Variants in SCMH1 observed in about 807,000 individuals in gnomAD.
SCMH1 encodes the protein polycomb protein SCMH1.
In SCMH1, 37 loss-of-function variants were observed where a neutral mutation model predicts 70.8. The observed-to-expected ratio is 0.52, with a 90% confidence interval of 0.40 to 0.69. SCMH1 has a LOEUF of 0.69. SCMH1 is among the 30% of genes least tolerant of loss of function. SCMH1 has a pLI of 0.00. For synonymous variants in SCMH1, 292 were observed against 307.4 expected (o/e 0.95, Z 0.52); for missense variants, 607 against 827.3 (o/e 0.73, Z 3.27).
chr1:41,178,189 G>C lies in SCMH1; in HGVS notation c.13+7932C>G, dbSNP rs534319482. Among the ~76,000 whole-genome samples, 17 of 152,298 alleles carry C rather than the reference G, an allele frequency of 1.1e-4. 1 individual carries two copies. The highest frequency in any genetic ancestry group is 8.3e-4 in the South Asian group (4 of 4,830). ...AATCCTTTACAGACAAGCAAATGCT[G>C]AGAGATTTTGTCACCACCAGGACTG... On this transcript the variant is annotated intron_variant, in intron 2 of 14. Coordinates refer to ENST00000337495, the Ensembl canonical transcript of SCMH1.
At chr1:41,037,630 C>G (rs146103286) in intron 12 of SCMH1, 89 bp from the exon 13 acceptor site, 60 of 1,194,070 alleles carry the variant, frequency 5.0e-5, no homozygotes, top group Admixed American at 1.6e-4. Flanking sequence ...CAAGCAGCAA[C>G]AACAGAGAAA....
At position 41,055,117 on chromosome 1, in the gene SCMH1, G is replaced by GGCA. The variant is rs1426968324; in HGVS notation, c.1106-6230_1106-6228dup. On this transcript the variant is annotated intron_variant, in intron 10 of 14. Transcript: ENST00000337495. ...CTCACGTTTCTAAGAGAATCATTCT[G>GGCA]GCAGAAGCATTGACAGCTTGGACTA... 2.0e-5 allele frequency among the ~76,000 whole-genome samples: 3 copies of GGCA among 152,190 alleles called. No individual in the cohort carries two copies. The East Asian group carries it at 5.8e-4, about 29-fold the overall frequency.
intron 2 of SCMH1, among the ~76,000 whole-genome samples, chr1:41,164,225 A>C (rs1334284475): frequency 6.6e-6 from 1 of 152,184 alleles, no homozygotes; most frequent in African/African-American, 2.4e-5. Flanking sequence ...TGCCTACCCC[A>C]GCAGCTCACT....
intron 1 of SCMH1, among the ~76,000 whole-genome samples, chr1:41,193,956 G>A (rs1240340305): frequency 6.6e-6 from 1 of 152,104 alleles, no homozygotes; most frequent in African/African-American, 2.4e-5. Flanking sequence ...TGTTCATACA[G>A]CTTGCATACT....
At chr1:41,088,196 A>C (rs779449279) in intron 8 of SCMH1, among the ~76,000 whole-genome samples, 6 of 152,166 alleles carry the variant, frequency 3.9e-5, no homozygotes, top group African/African-American at 7.2e-5. Context: ...GTAGGAAAAC[A>C]CACATAAATT....
exon 15 of SCMH1, chr1:41,028,100 C>G: frequency 6.6e-7 from 1 of 1,519,648 alleles, no homozygotes; most frequent in Non-Finnish European, 9.0e-7. Context: ...GGCCCGGAAC[C>G]CCACTGAGGT....
intron 10 of SCMH1, among the ~76,000 whole-genome samples, chr1:41,054,529 T>C (rs1182022086): frequency 6.6e-6 from 1 of 152,176 alleles, no homozygotes; most frequent in East Asian, 1.9e-4. Flanking sequence ...TAAAATTCTT[T>C]AAGATGTAAG....
At chr1:41,101,099 A>G (rs959661080) in intron 8 of SCMH1, among the ~76,000 whole-genome samples, 2 of 151,794 alleles carry the variant, frequency 1.3e-5, no homozygotes, top group African/African-American at 4.9e-5. Flanking sequence ...AATAGCGGGG[A>G]AAAAAAGACC....
Position 41,118,174 on chromosome 1 carries a change from A to C in SCMH1, c.413-1164T>G, listed in dbSNP as rs568047100. On this transcript the variant is annotated intron_variant, in intron 6 of 14. Transcript: ENST00000337495. ...GACTTAAGGGTTAAAAAGGAGAAAC[A>C]CCTCATTAGACAGATGAAGAAAATG... Among the ~76,000 whole-genome samples, 5 of 152,272 alleles carry C rather than the reference A, an allele frequency of 3.3e-5. No individual in the cohort carries two copies. The South Asian group carries it at 1.0e-3, about 32-fold the overall frequency.
intron 1 of SCMH1, among the ~76,000 whole-genome samples, chr1:41,189,574 G>C (rs1332209745): frequency 6.6e-6 from 1 of 152,144 alleles, no homozygotes; most frequent in African/African-American, 2.4e-5. Flanking sequence ...CCAGAAGAAG[G>C]GGGAGGAAGG....
chr1:41,035,065 C>T (rs1246492228), intron 13 of SCMH1, among the ~76,000 whole-genome samples: 1 of 152,212 alleles, frequency 6.6e-6, no homozygotes, highest in East Asian at 1.9e-4. Flanking sequence ...GAATTTTAAG[C>T]ATCCCATTCT....
rs535282263 is a variant in SCMH1, at chr1:41,088,931, T to C, written c.746-13480A>G. Among the ~76,000 whole-genome samples the C allele has an allele frequency of 9.2e-5, 14 of 152,308 alleles. No homozygotes were observed. The East Asian group carries it at 1.2e-3, about 13-fold the overall frequency. On this transcript the variant is annotated intron_variant, in intron 8 of 14. Transcript: ENST00000337495. ...TGATGGGCATGTCCCAGGAGTGTCA[T>C]TGAACAGATTTCTCTTCTCTGTCTA...
chr1:41,074,428 A>T (rs1265906863), intron 9 of SCMH1, among the ~76,000 whole-genome samples: 1 of 152,170 alleles, frequency 6.6e-6, no homozygotes, highest in African/African-American at 2.4e-5. Flanking sequence ...TGTGAAAATC[A>T]TGGGATATGT....
intron 10 of SCMH1, among the ~76,000 whole-genome samples, chr1:41,063,211 C>T (rs12119426): frequency 0.019 from 2,841 of 152,120 alleles, 46 homozygotes; most frequent in East Asian, 0.096. Flanking sequence ...TGGTGGCTCA[C>T]GCCTGTAATC....
chr1:41,100,542 T>C (rs1367875965), intron 8 of SCMH1, among the ~76,000 whole-genome samples: 5 of 148,414 alleles, frequency 3.4e-5, no homozygotes, highest in Non-Finnish European at 7.4e-5. Flanking sequence ...TGTGAGGTCA[T>C]AGGATAGCCT....
intron 6 of SCMH1, among the ~76,000 whole-genome samples, chr1:41,140,610 T>A (rs1166891411): frequency 1.3e-5 from 2 of 152,080 alleles, no homozygotes; most frequent in Non-Finnish European, 2.9e-5. Context: ...TTTAAAAAGG[T>A]AGTTCCTGCC....
intron 1 of SCMH1, among the ~76,000 whole-genome samples, chr1:41,234,238 C>G (rs1661873784): frequency 6.6e-6 from 1 of 152,114 alleles, no homozygotes; most frequent in Non-Finnish European, 1.5e-5. Flanking sequence ...AGTTTGACAA[C>G]AGCCTGACAA....
At chr1:41,188,291 G>A (rs1650797807) in intron 1 of SCMH1, among the ~76,000 whole-genome samples, 1 of 152,140 alleles carries the variant, frequency 6.6e-6, no homozygotes, top group Non-Finnish European at 1.5e-5. Context: ...CGCCATGCTT[G>A]GCTAATTTTT....
chr1:41,122,136 T>G (rs1008439754), intron 6 of SCMH1, among the ~76,000 whole-genome samples: 1 of 152,226 alleles, frequency 6.6e-6, no homozygotes, highest in Non-Finnish European at 1.5e-5. Flanking sequence ...CATTACCTTA[T>G]GCTCAAATTT....
Sources: gnomAD v4.1 joint callset for allele counts (sites outside exome capture counted in the v4.1 genomes callset) on GRCh38, gnomAD v4.1.1 for gene constraint, MANE v1.5 for transcripts, NCBI Gene and HGNC (gene_info 2026-07-23, HGNC 2026-07-21) for gene names.